The following CSNK2A2IP variants were observed in gnomAD, a reference collection of about 807,000 sequenced individuals.
CSNK2A2IP encodes casein kinase 2 subunit alpha' interacting protein.
the CSNK2A2IP span, among the ~76,000 whole-genome samples, chr3:88,449,850 CACACATAT>C: frequency 5.8e-5 from 5 of 86,582 alleles, no homozygotes; most frequent in African/African-American, 1.8e-4. Context: ...CACACACACA[CACACATAT>C]ATATATATAT....
At chr3:88,452,763 T>C in the CSNK2A2IP span, among the ~76,000 whole-genome samples, 5 of 152,152 alleles carry the variant, frequency 3.3e-5, no homozygotes, top group African/African-American at 7.2e-5. Context: ...ATTACTTTTT[T>C]TCAGGGAATA....
At chr3:88,406,457 C>T in the CSNK2A2IP span, among the ~76,000 whole-genome samples, 5 of 152,156 alleles carry the variant, frequency 3.3e-5, no homozygotes, top group Non-Finnish European at 7.3e-5. Context: ...TCGTTTTTCT[C>T]TTATCTCTCT....
At chr3:88,351,037 C>T in the CSNK2A2IP span, among the ~76,000 whole-genome samples, 1 of 152,148 alleles carries the variant, frequency 6.6e-6, no homozygotes, top group African/African-American at 2.4e-5. Flanking sequence ...ATTCTGGATT[C>T]TCATCTGAGG....
chr3:88,466,624 A>G, the CSNK2A2IP span: 1 of 1,231,186 alleles, frequency 8.1e-7, no homozygotes, highest in Non-Finnish European at 1.0e-6. Flanking sequence ...CTGCATTGTT[A>G]AAGGTGGAAC....
chr3:88,440,195 T>C, the CSNK2A2IP span, among the ~76,000 whole-genome samples: 55 of 152,342 alleles, frequency 3.6e-4, no homozygotes, highest in African/African-American at 1.3e-3. Context: ...TATTTTTCCA[T>C]GTATTTTGCA....
the CSNK2A2IP span, among the ~76,000 whole-genome samples, chr3:88,427,768 C>G: frequency 6.6e-6 from 1 of 152,074 alleles, no homozygotes; most frequent in African/African-American, 2.4e-5. Context: ...AAAGGACGTC[C>G]GGTTTTATAC....
the CSNK2A2IP span, chr3:88,399,852 G>C: frequency 1.3e-5 from 2 of 152,150 alleles, no homozygotes; most frequent in African/African-American, 2.4e-5. Context: ...AAAATGAACC[G>C]GGGAACCTGA....
the CSNK2A2IP span, among the ~76,000 whole-genome samples, chr3:88,379,709 T>C: frequency 1.3e-5 from 2 of 152,122 alleles, no homozygotes; most frequent in Non-Finnish European, 1.5e-5. Context: ...ATTACCTTAA[T>C]TATTGCCCCT....
the CSNK2A2IP span, among the ~76,000 whole-genome samples, chr3:88,367,486 T>G: frequency 6.6e-6 from 1 of 152,208 alleles, no homozygotes; most frequent in African/African-American, 2.4e-5. Context: ...TATTTGTAAT[T>G]AAGATAAAAA....
At chr3:88,456,414 T>C in the CSNK2A2IP span, among the ~76,000 whole-genome samples, 1 of 152,064 alleles carries the variant, frequency 6.6e-6, no homozygotes, top group African/African-American at 2.4e-5. Flanking sequence ...TTCATCTCCT[T>C]GGTTAATTTT....
chr3:88,357,719 A>G, the CSNK2A2IP span, among the ~76,000 whole-genome samples: 1 of 151,238 alleles, frequency 6.6e-6, no homozygotes, highest in Non-Finnish European at 1.5e-5. Flanking sequence ...TGAACATAAA[A>G]TATCTTTTAT....
At chr3:88,451,038 T>C in the CSNK2A2IP span, among the ~76,000 whole-genome samples, 1 of 152,144 alleles carries the variant, frequency 6.6e-6, no homozygotes. Context: ...TTTGATAATA[T>C]CCATCTTAAC....
At chr3:88,371,508 G>C in the CSNK2A2IP span, among the ~76,000 whole-genome samples, 1 of 151,406 alleles carries the variant, frequency 6.6e-6, no homozygotes, top group Admixed American at 6.6e-5. Flanking sequence ...CAACACAAAG[G>C]GCAGAAATAA....
chr3:88,369,495 T>TAACA, the CSNK2A2IP span, among the ~76,000 whole-genome samples: 1 of 151,966 alleles, frequency 6.6e-6, no homozygotes, highest in South Asian at 2.1e-4. Context: ...GTAGAAAGTG[T>TAACA]AACATTGTGG....
the CSNK2A2IP span, among the ~76,000 whole-genome samples, chr3:88,460,601 A>C: frequency 1.3e-5 from 2 of 152,154 alleles, no homozygotes; most frequent in African/African-American, 2.4e-5. Flanking sequence ...TTATTGAAGT[A>C]AAGGAACAAA....
At chr3:88,449,993 A>C in the CSNK2A2IP span, among the ~76,000 whole-genome samples, 5 of 149,816 alleles carry the variant, frequency 3.3e-5, no homozygotes, top group East Asian at 8.1e-4. Context: ...TCAGCCTCCC[A>C]AGTAGCTGGG....
the CSNK2A2IP span, among the ~76,000 whole-genome samples, chr3:88,448,518 A>G: frequency 0.014 from 2,083 of 152,322 alleles, 40 homozygotes; most frequent in African/African-American, 0.048. Flanking sequence ...CTTTTAAAGT[A>G]TATAGGGAAT....
chr3:88,396,413 A>G, the CSNK2A2IP span, among the ~76,000 whole-genome samples: 1 of 152,076 alleles, frequency 6.6e-6, no homozygotes, highest in Non-Finnish European at 1.5e-5. Flanking sequence ...CCGACTACCT[A>G]CTTCTTTAAG....
chr3:88,416,916 A>G, the CSNK2A2IP span, among the ~76,000 whole-genome samples: 17 of 152,042 alleles, frequency 1.1e-4, no homozygotes, highest in Non-Finnish European at 2.2e-4. Context: ...GCTCATATGC[A>G]ATATTATGGC....
Sources: allele counts gnomAD v4.1 joint callset (sites outside exome capture counted in the v4.1 genomes callset), GRCh38; gene constraint gnomAD v4.1.1; transcripts MANE v1.5; gene names NCBI Gene and HGNC (gene_info 2026-07-23, HGNC 2026-07-21).